Variants in DTD1 observed in about 807,000 individuals in gnomAD.
DTD1 encodes D-tyrosyl-tRNA deacylase 1 homolog.
A neutral mutation model predicts 25.6 loss-of-function variants in DTD1; 13 were observed. That is an observed-to-expected ratio of 0.51 (90% CI 0.33 to 0.81). The LOEUF (loss-of-function observed/expected upper bound fraction) is 0.81. Among genes scored for constraint, DTD1 ranks in the 30% least tolerant of loss-of-function variants. The pLI, the probability that DTD1 is intolerant of heterozygous loss-of-function variation, is 0.02. For synonymous variants in DTD1, 110 were observed against 103.6 expected, an observed-to-expected ratio of 1.06 and a Z score of -0.37; for missense variants, 193 against 266.4, an observed-to-expected ratio of 0.72 and a Z score of 1.92.
intron 5 of DTD1, among the ~76,000 whole-genome samples, chr20:18,761,762 A>G (rs1268759149): frequency 1.3e-5 from 2 of 152,234 alleles, no homozygotes; most frequent in South Asian, 2.1e-4. Context: ...CAATTACAGT[A>G]TTTCAGTTAT....
At chr20:18,668,824 T>G (rs966267192) in intron 4 of DTD1, among the ~76,000 whole-genome samples, 1 of 152,244 alleles carries the variant, frequency 6.6e-6, no homozygotes, top group African/African-American at 2.4e-5. Context: ...GCCTCTCAAC[T>G]TCTAGAGCTG....
chr20:18,678,384 GT>G (rs2060984115), intron 4 of DTD1, among the ~76,000 whole-genome samples: 1 of 152,206 alleles, frequency 6.6e-6, no homozygotes, highest in Non-Finnish European at 1.5e-5. Flanking sequence ...TCCAGAAATT[GT>G]TCTTCATATG....
chr20:18,622,115 G>A (rs2060737014), intron 3 of DTD1, among the ~76,000 whole-genome samples: 1 of 151,990 alleles, frequency 6.6e-6, no homozygotes, highest in Non-Finnish European at 1.5e-5. Flanking sequence ...TGTGCAGAAC[G>A]TGCAGATTTG....
At chr20:18,746,137 T>C (rs906365346) in intron 5 of DTD1, among the ~76,000 whole-genome samples, 1 of 152,138 alleles carries the variant, frequency 6.6e-6, no homozygotes, top group Non-Finnish European at 1.5e-5. Flanking sequence ...TTGAGGTGCC[T>C]GTTGGCAGCC....
intron 4 of DTD1, among the ~76,000 whole-genome samples, chr20:18,724,986 G>A (rs1186674166): frequency 1.3e-5 from 2 of 152,250 alleles, no homozygotes; most frequent in Non-Finnish European, 2.9e-5. Context: ...GTGAGTGAGG[G>A]TTCTTGGCTT....
chr20:18,675,886 G>A (rs28429420), intron 4 of DTD1, among the ~76,000 whole-genome samples: 20,001 of 30,100 alleles, frequency 0.66, 5,556 homozygotes, highest in Middle Eastern at 0.74. Flanking sequence ...GTGTATTTAC[G>A]AAATGGGATC....
intron 4 of DTD1, among the ~76,000 whole-genome samples, chr20:18,705,646 C>G (rs1353604830): frequency 1.3e-5 from 2 of 151,716 alleles, no homozygotes; most frequent in Non-Finnish European, 2.9e-5. Context: ...GCAGAGGCCT[C>G]AGTGGGAAGG....
Position 18,749,645 on chromosome 20 carries a change from G to C in DTD1, c.*19+5374G>C, listed in dbSNP as rs2061314432. ...TGAGAACTGAGACGAGGCCAGGTCA[G>C]CCAGAGAGGGCCTTGGGTCCCTGAG... is the stretch of plus-strand genomic sequence containing the variant. On this transcript the variant is annotated intron_variant, in intron 5 of 5. Transcript: ENST00000377452. This position sits in a 1 kb window ranked among gnomAD's most constrained non-coding sequence, Gnocchi z 4.2. Among the ~76,000 whole-genome samples, 1 of 152,182 alleles carries C rather than the reference G, an allele frequency of 6.6e-6. No homozygotes were observed. The highest frequency in any genetic ancestry group is 2.4e-5 in the African/African-American group (1 of 41,436).
At chr20:18,650,861 C>G (rs1008886651) in intron 4 of DTD1, among the ~76,000 whole-genome samples, 2 of 152,044 alleles carry the variant, frequency 1.3e-5, no homozygotes, top group African/African-American at 4.8e-5. Context: ...TTATCCCATA[C>G]CTTAGAATAA....
At chr20:18,635,426 CCA>C (rs1441192248) in intron 4 of DTD1, among the ~76,000 whole-genome samples, 1 of 152,202 alleles carries the variant, frequency 6.6e-6, no homozygotes, top group Non-Finnish European at 1.5e-5. Flanking sequence ...AGACCTCTCA[CCA>C]CACATGGAAT....
intron 4 of DTD1, among the ~76,000 whole-genome samples, chr20:18,659,163 C>A (rs966617048): frequency 6.6e-6 from 1 of 152,174 alleles, no homozygotes; most frequent in Non-Finnish European, 1.5e-5. Flanking sequence ...TTTGTATACT[C>A]CTCAAGAAAG....
intron 4 of DTD1, among the ~76,000 whole-genome samples, chr20:18,688,868 A>T (rs1485517410): frequency 6.6e-6 from 1 of 152,052 alleles, no homozygotes; most frequent in South Asian, 2.1e-4. Context: ...TCTGATCCTC[A>T]TTCCCTGGGG....
chr20:18,635,070 T>C lies in DTD1; in HGVS notation c.477+6837T>C, dbSNP rs149162486. Among the ~76,000 whole-genome samples, 7 of 152,378 alleles carry C rather than the reference T, an allele frequency of 4.6e-5. No individual in the cohort carries two copies. In the East Asian group the frequency reaches 1.3e-3, roughly 29 times the overall value. Reference sequence around the variant, plus strand: ...TGAATTCTAGATTCTAGCTCCCTAATTGTGGTTGGTTTCAGCTTCAGTGTT... The same window carrying C: ...TGAATTCTAGATTCTAGCTCCCTAACTGTGGTTGGTTTCAGCTTCAGTGTT... On this transcript the variant is annotated intron_variant, in intron 4 of 5. Transcript: ENST00000377452.
chr20:18,639,251 G>A lies in DTD1; in HGVS notation c.477+11018G>A, dbSNP rs182305740. Among the ~76,000 whole-genome samples the A allele has an allele frequency of 3.3e-5, 5 of 149,698 alleles. No individual in the cohort carries two copies. The East Asian group carries it at 9.8e-4, about 29-fold the overall frequency. ...TTTTTCCTGGTCAACATGAAGCCAAGTGTTTCACTATTGCCCAGTTTTCCC... is the reference window on the plus strand; with the variant it reads ...TTTTTCCTGGTCAACATGAAGCCAAATGTTTCACTATTGCCCAGTTTTCCC... On this transcript the variant is annotated intron_variant, in intron 4 of 5. Transcript: ENST00000377452.
chr20:18,614,159 C>T (rs2060699663), intron 3 of DTD1, among the ~76,000 whole-genome samples: 1 of 152,096 alleles, frequency 6.6e-6, no homozygotes, highest in African/African-American at 2.4e-5. Context: ...TGACCTGGGG[C>T]ACTGGACAGA....
chr20:18,758,779 A>G (rs2061349327), intron 5 of DTD1, among the ~76,000 whole-genome samples: 1 of 152,178 alleles, frequency 6.6e-6, no homozygotes, highest in Non-Finnish European at 1.5e-5. Flanking sequence ...GTAGATGTCT[A>G]TTAGGTCCAC....
At position 18,685,404 on chromosome 20, in the gene DTD1, C is replaced by T. The variant is rs75685011; in HGVS notation, c.477+57171C>T. Among the ~76,000 whole-genome samples, 584 of 152,288 alleles carry T rather than the reference C, an allele frequency of 3.8e-3. 2 individuals are homozygous for T. Among genetic ancestry groups the T allele is most frequent in the African/African-American group, 0.013 (553 of 41,560 alleles). ...ATAGCTGCCAGTTGGCTGCACATGA[C>T]GGGTGTATGTGAGAGTGCTTTCTGC... On this transcript the variant is annotated intron_variant, in intron 4 of 5. Transcript: ENST00000377452.
In DTD1 at chr20:18,681,904, C is replaced by A. The variant is rs772055327; in HGVS notation, c.477+53671C>A. Among the ~76,000 whole-genome samples the A allele has an allele frequency of 6.7e-4, 102 of 151,620 alleles. 1 individual carries two copies. The highest frequency in any genetic ancestry group is 3.9e-4 in the Admixed American group (6 of 15,228). On this transcript the variant is annotated intron_variant, in intron 4 of 5. Coordinates refer to ENST00000377452, the MANE Select transcript of DTD1 (RefSeq NM_080820.6). ...TTTTATTTTTCTTATTCTTACTTGA[C>A]TCAAAAGTTAACGATTTAAACCAAT...
At chr20:18,592,201 C>T (rs2060592299) in intron 1 of DTD1, 1 of 152,126 alleles carries the variant, frequency 6.6e-6, no homozygotes, top group Non-Finnish European at 1.5e-5. Flanking sequence ...CTGAGGTGAC[C>T]CTTCTATTCC....
Sources: allele counts gnomAD v4.1 joint callset (sites outside exome capture counted in the v4.1 genomes callset), GRCh38; gene constraint gnomAD v4.1.1; non-coding constraint Gnocchi (gnomAD v3.1); transcripts MANE v1.5; gene names NCBI Gene and HGNC (gene_info 2026-07-23, HGNC 2026-07-21).